The following SLC7A14 variants were observed in gnomAD, a reference collection of about 807,000 sequenced individuals.
SLC7A14 encodes gamma-aminobutyric acid transporter SLC7A14.
A neutral mutation model predicts 60.2 loss-of-function variants in SLC7A14; 37 were observed. That is an observed-to-expected ratio of 0.61 (90% CI 0.47 to 0.81). SLC7A14 has a LOEUF of 0.81. Ranked by LOEUF, SLC7A14 falls within the 30% of genes least tolerant of loss-of-function variation. The pLI, the probability that SLC7A14 is intolerant of heterozygous loss-of-function variation, is 0.00. For missense variants in SLC7A14, 886 were observed against 982.7 expected (o/e 0.90, Z 1.32); for synonymous variants, 399 against 395.8 (o/e 1.01, Z -0.10).
intron 1 of SLC7A14, among the ~76,000 whole-genome samples, chr3:170,570,735 C>G (rs1714927495): frequency 6.6e-6 from 1 of 152,186 alleles, no homozygotes; most frequent in African/African-American, 2.4e-5. Flanking sequence ...TTGTACTGCT[C>G]AGCAGATGCC....
At position 170,527,729 on chromosome 3, in the gene SLC7A14, C is replaced by T. The variant is rs530442480; in HGVS notation, c.-152-641G>A. On this transcript the variant is annotated intron_variant, in intron 1 of 7. Coordinates refer to ENST00000231706, the MANE Select transcript of SLC7A14 (RefSeq NM_020949.3). ...TTGGAATGGTGGGGAGTACTCCTGG[C>T]ATCTGGGGGGAACCTGAGATGTGAG... 3.2e-4 allele frequency among the ~76,000 whole-genome samples: 48 copies of T among 152,236 alleles called. 1 individual carries two copies. Among genetic ancestry groups the T allele is most frequent in the African/African-American group, 9.1e-4 (38 of 41,540 alleles).
chr3:170,552,100 G>T (rs941446499), intron 1 of SLC7A14, among the ~76,000 whole-genome samples: 3 of 152,040 alleles, frequency 2.0e-5, no homozygotes. Flanking sequence ...AACAACTGAG[G>T]TAAGGGTCCA....
intron 2 of SLC7A14, among the ~76,000 whole-genome samples, chr3:170,507,906 C>T (rs901002391): frequency 6.6e-6 from 1 of 152,136 alleles, no homozygotes; most frequent in South Asian, 2.1e-4. Context: ...CTCTGTGGAC[C>T]CCCAGGGCTG....
At chr3:170,491,933 T>G (rs1712233064) in intron 4 of SLC7A14, among the ~76,000 whole-genome samples, 1 of 152,098 alleles carries the variant, frequency 6.6e-6, no homozygotes, top group African/African-American at 2.4e-5. Flanking sequence ...AAGACATAGA[T>G]GAAATAAACA....
chr3:170,505,423 T>A (rs1712746993), intron 2 of SLC7A14, among the ~76,000 whole-genome samples: 1 of 152,236 alleles, frequency 6.6e-6, no homozygotes, highest in Non-Finnish European at 1.5e-5. Flanking sequence ...AAAATTACTT[T>A]CCTTTGATTT....
At chr3:170,500,963 T>C (rs1712586958) in intron 3 of SLC7A14, 146 bp downstream of exon 3, 4 of 709,822 alleles carry the variant, frequency 5.6e-6, no homozygotes, top group Admixed American at 2.6e-5. Flanking sequence ...GATAGATTCA[T>C]AGAGAAAGAA....
intron 4 of SLC7A14, among the ~76,000 whole-genome samples, chr3:170,489,937 G>A (rs1037448050): frequency 6.6e-6 from 1 of 151,818 alleles, no homozygotes; most frequent in Non-Finnish European, 1.5e-5. Flanking sequence ...GGTTATCAGA[G>A]GCTGGGAAGG....
At chr3:170,533,225 A>G (rs1038998276) in intron 1 of SLC7A14, among the ~76,000 whole-genome samples, 6 of 152,086 alleles carry the variant, frequency 3.9e-5, no homozygotes, top group Admixed American at 2.6e-4. Context: ...ATAACTGGGG[A>G]TGTGCTTGCA....
chr3:170,578,653 A>T (rs1715161186), intron 1 of SLC7A14, among the ~76,000 whole-genome samples: 2 of 152,202 alleles, frequency 1.3e-5, no homozygotes, highest in South Asian at 4.1e-4. Flanking sequence ...CATTATCATT[A>T]TTGTTTCCAG....
chr3:170,491,619 G>A (rs1293993208), intron 4 of SLC7A14, among the ~76,000 whole-genome samples: 1 of 152,140 alleles, frequency 6.6e-6, no homozygotes, highest in African/African-American at 2.4e-5. Flanking sequence ...AGTGTAGGGG[G>A]TGGAATGGTG....
chr3:170,501,803 T>C (rs1712617426), intron 2 of SLC7A14, among the ~76,000 whole-genome samples: 1 of 152,246 alleles, frequency 6.6e-6, no homozygotes, highest in African/African-American at 2.4e-5. Flanking sequence ...GAAAATGCTG[T>C]ACTATATCTA....
rs763192459 is a variant in SLC7A14 at position 170,483,383 on chromosome 3, C to G, written c.1046G>C (p.Ser349Thr). 1 of 1,614,216 alleles carries G rather than the reference C, an allele frequency of 6.2e-7. No individual in the cohort carries two copies. The highest frequency in any genetic ancestry group is 8.5e-7 in the Non-Finnish European group (1 of 1,180,046). Residue 349 changes from serine to threonine, a missense_variant, in exon 6 of 8, where the codon AGC becomes ACC. By Grantham distance (58) the Ser-to-Thr change is moderately conservative. Transcript: ENST00000231706. ...AIGSVAGLTV[S>T]LLGSLFPMPR... ...CATCGGGAAGAGGGACCCCAGCAAG[C>G]TGACTGTCAGTCCTGCAACCGACCC... is the stretch of plus-strand genomic sequence containing the variant.
chr3:170,487,215 G>A (rs1233543263), intron 4 of SLC7A14, among the ~76,000 whole-genome samples: 1 of 144,492 alleles, frequency 6.9e-6, no homozygotes, highest in Admixed American at 7.3e-5. Flanking sequence ...GGGGTGTTTG[G>A]GAATGTATTA....
intron 1 of SLC7A14, among the ~76,000 whole-genome samples, chr3:170,534,126 CA>C (rs1323231709): frequency 5.9e-5 from 9 of 152,126 alleles, no homozygotes; most frequent in Admixed American, 2.0e-4. Flanking sequence ...CAAACAACCC[CA>C]AATTTGAATA....
At chr3:170,576,131 G>A (rs1173086645) in intron 1 of SLC7A14, among the ~76,000 whole-genome samples, 1 of 152,200 alleles carries the variant, frequency 6.6e-6, no homozygotes, top group Non-Finnish European at 1.5e-5. Flanking sequence ...CTGTGGAAGT[G>A]AATTGTTTCC....
At chr3:170,518,885 C>T (rs1229879293) in intron 2 of SLC7A14, among the ~76,000 whole-genome samples, 1 of 152,094 alleles carries the variant, frequency 6.6e-6, no homozygotes, top group Non-Finnish European at 1.5e-5. Flanking sequence ...GGTGGATGTT[C>T]CCTAAAGGCA....
intron 4 of SLC7A14, among the ~76,000 whole-genome samples, chr3:170,490,820 A>G (rs1712192271): frequency 6.6e-6 from 1 of 152,246 alleles, no homozygotes; most frequent in South Asian, 2.1e-4. Flanking sequence ...AGATAATAAT[A>G]GCACTTAGCT....
At chr3:170,558,428 C>T (rs1714546879) in intron 1 of SLC7A14, among the ~76,000 whole-genome samples, 1 of 152,032 alleles carries the variant, frequency 6.6e-6, no homozygotes, top group African/African-American at 2.4e-5. Flanking sequence ...AGTGGATCAC[C>T]CCAACAACCC....
intron 2 of SLC7A14, among the ~76,000 whole-genome samples, chr3:170,519,809 G>A (rs559273314): frequency 2.3e-4 from 35 of 152,220 alleles, no homozygotes; most frequent in African/African-American, 7.0e-4. Flanking sequence ...AAAGAGGACC[G>A]AAAGGTAAGG....
Sources: allele counts gnomAD v4.1 joint callset (sites outside exome capture counted in the v4.1 genomes callset), GRCh38; gene constraint gnomAD v4.1.1; transcripts MANE v1.5; gene names NCBI Gene and HGNC (gene_info 2026-07-23, HGNC 2026-07-21).